The following CORO2A variants were observed in gnomAD, a reference collection of about 807,000 sequenced individuals.
CORO2A encodes coronin 2A.
In CORO2A, 47 loss-of-function variants were observed where a neutral mutation model predicts 62.4. That is an observed-to-expected ratio of 0.75 (90% CI 0.60 to 0.96). CORO2A has a LOEUF of 0.96. CORO2A is among the 40% of genes least tolerant of loss of function. The pLI is 0.00. For synonymous variants in CORO2A, 273 were observed against 268.9 expected, an observed-to-expected ratio of 1.02 and a Z score of -0.15; for missense variants, 610 against 684.1, an observed-to-expected ratio of 0.89 and a Z score of 1.21.
intron 2 of CORO2A, among the ~76,000 whole-genome samples, chr9:98,147,347 GA>G (rs912262406): frequency 2.0e-4 from 30 of 152,252 alleles, no homozygotes; most frequent in Admixed American, 1.9e-3. Context: ...GCGGGGGGCA[GA>G]GGTTGAAATG....
intron 1 of CORO2A, among the ~76,000 whole-genome samples, chr9:98,171,388 G>A (rs1015616482): frequency 2.0e-5 from 3 of 152,222 alleles, no homozygotes; most frequent in African/African-American, 7.2e-5. Context: ...CTGGGGCCCA[G>A]AGTCAGTTCA....
At chr9:98,132,938 A>T in intron 5 of CORO2A, 100 bp downstream of exon 5, 1 of 1,365,972 alleles carries the variant, frequency 7.3e-7, no homozygotes, top group Admixed American at 2.0e-5. Context: ...CGCAGCCCAG[A>T]CGCTGACAGC....
At chr9:98,163,148 A>G (rs1261177190) in intron 1 of CORO2A, among the ~76,000 whole-genome samples, 1 of 152,214 alleles carries the variant, frequency 6.6e-6, no homozygotes, top group African/African-American at 2.4e-5. Context: ...ACTCCCAGAA[A>G]GGATGTAGTC....
chr9:98,158,725 A>G (rs1827839942), intron 1 of CORO2A, among the ~76,000 whole-genome samples: 1 of 152,098 alleles, frequency 6.6e-6, no homozygotes, highest in South Asian at 2.1e-4. Context: ...GGAGTTGGTC[A>G]TGTAGGCAGG....
At chr9:98,174,622 A>G (rs1016537318) in intron 1 of CORO2A, among the ~76,000 whole-genome samples, 4 of 152,112 alleles carry the variant, frequency 2.6e-5, no homozygotes, top group African/African-American at 9.7e-5. Flanking sequence ...GGTTTCCCCC[A>G]GGCTGTTCTG....
intron 2 of CORO2A, among the ~76,000 whole-genome samples, chr9:98,138,241 C>G (rs1429414452): frequency 6.6e-6 from 1 of 151,896 alleles, no homozygotes; most frequent in African/African-American, 2.4e-5. Context: ...ATGGTGAAAC[C>G]CTGTCTCTAC....
chr9:98,126,605 A>G lies in CORO2A; in HGVS notation c.1390T>C (p.Trp464Arg). The G allele has an allele frequency of 1.9e-6, 3 of 1,614,090 alleles. No individual in the cohort carries two copies. The highest frequency in any genetic ancestry group is 1.7e-5 in the Admixed American group (1 of 60,006). ...AAAACGTCAAAGCCATTTGTCAGCC[A>G]GGTTTTCTTCTCCTCCAGCCTGTGT... is the stretch of plus-strand genomic sequence containing the variant. ...AEHRLEEKKT[W>R]LTNGFDVFEC... is the part of the protein sequence containing the mutation. Residue 464 changes from tryptophan (W) to arginine (R), a missense_variant, in exon 11 of 12, where the codon TGG becomes CGG. Coordinates refer to ENST00000375077, the MANE Select transcript of CORO2A (RefSeq NM_052820.4).
At chr9:98,154,329 G>GTGTGTATATATATATATATATATATA (rs1439685527) in intron 2 of CORO2A, among the ~76,000 whole-genome samples, 1 of 88,956 alleles carries the variant, frequency 1.1e-5, no homozygotes, top group African/African-American at 5.4e-5. Context: ...GTGTTTGTGT[G>GTGTGTATATATATATATATATATATA]TATATATATA....
chr9:98,157,210 C>T (rs367757879), intron 2 of CORO2A, among the ~76,000 whole-genome samples: 4 of 152,176 alleles, frequency 2.6e-5, no homozygotes, highest in South Asian at 2.1e-4. Context: ...GAAATAAATT[C>T]GCAGAATTAT....
chr9:98,148,193 G>C (rs1588000194), intron 2 of CORO2A, among the ~76,000 whole-genome samples: 1 of 151,756 alleles, frequency 6.6e-6, no homozygotes, highest in Admixed American at 6.6e-5. Context: ...TCAGGAGTTT[G>C]AGACCAGCCT....
chr9:98,159,900 G>A (rs1256993438), intron 1 of CORO2A, among the ~76,000 whole-genome samples: 4 of 152,230 alleles, frequency 2.6e-5, no homozygotes, highest in East Asian at 3.9e-4. Flanking sequence ...CTGGGCCTAC[G>A]CTGGTCAAGA....
At chr9:98,150,222 C>T (rs1042247590) in intron 2 of CORO2A, among the ~76,000 whole-genome samples, 18 of 152,056 alleles carry the variant, frequency 1.2e-4, no homozygotes, top group African/African-American at 3.1e-4. Context: ...TTAGCCACAG[C>T]GCCTGGCTGA....
intron 1 of CORO2A, among the ~76,000 whole-genome samples, chr9:98,159,296 G>A (rs751314792): frequency 1.3e-5 from 2 of 152,024 alleles, no homozygotes; most frequent in Non-Finnish European, 2.9e-5. Flanking sequence ...CAATTCTCCT[G>A]TAGCTGCCTC....
intron 1 of CORO2A, among the ~76,000 whole-genome samples, chr9:98,163,262 T>C (rs970067623): frequency 4.6e-5 from 7 of 152,242 alleles, no homozygotes; most frequent in African/African-American, 1.7e-4. Flanking sequence ...CTATCTCAGC[T>C]CACTGCAACC....
At position 98,123,897 on chromosome 9, in the gene CORO2A, CG is replaced by C. The variant is rs1564197599; in HGVS notation, c.*876del. On this transcript the variant is annotated 3_prime_UTR_variant, in exon 12 of 12. Coordinates refer to ENST00000375077, the MANE Select transcript of CORO2A (RefSeq NM_052820.4). ...CTTGAACTCCTGACCTCAGAAGATC[CG>C]CCCAGCTTGGCCTCCCAAAGTTCTG... 9 of 151,802 alleles carry C rather than the reference CG, an allele frequency of 5.9e-5. No homozygotes were observed. Among genetic ancestry groups the C allele is most frequent in the African/African-American group, 1.9e-4 (8 of 41,268 alleles). 9.4% of individuals were successfully genotyped at this position (151,802 alleles called of 1,614,324 possible). A position where few individuals can be genotyped will look rare whatever the true frequency, so the allele number is the denominator to read the frequency against.
chr9:98,136,605 G>C (rs1248266121), intron 3 of CORO2A, among the ~76,000 whole-genome samples: 1 of 152,240 alleles, frequency 6.6e-6, no homozygotes, highest in African/African-American at 2.4e-5. Context: ...ATTGGAAAGA[G>C]AATGGGCTGT....
chr9:98,183,277 C>T (rs1564220662), intron 1 of CORO2A, among the ~76,000 whole-genome samples: 1 of 152,190 alleles, frequency 6.6e-6, no homozygotes. Flanking sequence ...GTGCTTGCAG[C>T]CACCCAAAAC....
chr9:98,182,037 C>T (rs73498781), intron 1 of CORO2A, among the ~76,000 whole-genome samples: 13,617 of 152,106 alleles, frequency 0.09, 1,223 homozygotes, highest in African/African-American at 0.23. Flanking sequence ...GCAGTGACCC[C>T]GGACTCAGCA....
rs141217499 is a variant in CORO2A, at chr9:98,173,425, G to C, written c.1-15765C>G. ...TGCAGAGCAGCGGCGTCAGTTTTCT[G>C]AGGTTACACGATTAATAAGCAGCAG... On this transcript the variant is annotated intron_variant, in intron 1 of 11. Transcript: ENST00000375077. 3.0e-3 allele frequency among the ~76,000 whole-genome samples: 455 copies of C among 152,304 alleles called. 1 individual carries two copies. Among genetic ancestry groups the C allele is most frequent in the African/African-American group, 1.0e-2 (415 of 41,560 alleles).
Sources: allele counts gnomAD v4.1 joint callset (sites outside exome capture counted in the v4.1 genomes callset), GRCh38; gene constraint gnomAD v4.1.1; transcripts MANE v1.5; gene names NCBI Gene and HGNC (gene_info 2026-07-23, HGNC 2026-07-21).